MAP4K5: variants seen among roughly 807,000 people sequenced by gnomAD.
The protein encoded by MAP4K5 is MAPK/ERK kinase kinase kinase 5.
In MAP4K5, 82 loss-of-function variants were observed where a neutral mutation model predicts 135.6. The ratio of observed to expected loss-of-function variants is 0.60; its 90% confidence interval spans 0.51 to 0.73. The LOEUF (loss-of-function observed/expected upper bound fraction) is 0.73. Among genes scored for constraint, MAP4K5 ranks in the 30% least tolerant of loss-of-function variants. The pLI, the probability that MAP4K5 is intolerant of heterozygous loss-of-function variation, is 0.00. For missense variants in MAP4K5, 907 were observed against 1,010.9 expected (o/e 0.90, Z 1.39); for synonymous variants, 347 against 335.0 (o/e 1.04, Z -0.39).
upstream of MAP4K5, among the ~76,000 whole-genome samples, chr14:50,534,577 A>G (rs2038468934): frequency 6.6e-6 from 1 of 152,256 alleles, no homozygotes; most frequent in Non-Finnish European, 1.5e-5. Context: ...GGCTTCAACA[A>G]GACCCTGGAG....
chr14:50,484,342 A>C (rs2037317708), intron 5 of MAP4K5, among the ~76,000 whole-genome samples: 1 of 152,188 alleles, frequency 6.6e-6, no homozygotes, highest in South Asian at 2.1e-4. Flanking sequence ...TGTTGTGACA[A>C]AATTAGATAA....
chr14:50,511,954 G>A (rs925616202), intron 2 of MAP4K5, among the ~76,000 whole-genome samples: 27 of 152,154 alleles, frequency 1.8e-4, no homozygotes, highest in Non-Finnish European at 3.5e-4. Flanking sequence ...TATTCTGTAT[G>A]AAATGGTAAT....
At chr14:50,513,885 A>G (rs8022369) in intron 2 of MAP4K5, among the ~76,000 whole-genome samples, 151,368 of 152,304 alleles carry the variant, frequency 0.99, 75,229 homozygotes, top group Middle Eastern at 1. Context: ...TGCTTCTCAG[A>G]GTCATAATTA....
chr14:50,447,309 C>A (rs2036376487), intron 16 of MAP4K5, 105 bp downstream of exon 16: 3 of 682,716 alleles, frequency 4.4e-6, no homozygotes, highest in East Asian at 6.0e-5. Flanking sequence ...AATGGCATAA[C>A]TTTTTCAAGA....
intron 31 of MAP4K5, among the ~76,000 whole-genome samples, chr14:50,425,580 G>A (rs1323315454): frequency 6.6e-6 from 1 of 152,060 alleles, no homozygotes; most frequent in African/African-American, 2.4e-5. Flanking sequence ...TTAAAAAGAA[G>A]CCAGATATTT....
Position 50,448,755 on chromosome 14 carries a change from T to C in MAP4K5, c.1074+19A>G. ...TCAAATCTTAATGTGAAAATAATGC[T>C]TTAAAAATGAATTCTTACCATTTCA... is the stretch of plus-strand genomic sequence containing the variant. On this transcript the variant is annotated intron_variant, in intron 15 of 32. Coordinates refer to ENST00000682126, the MANE Select transcript of MAP4K5 (RefSeq NM_006575.6). The C allele has an allele frequency of 6.8e-7, 1 of 1,480,512 alleles. No homozygotes were observed. Among genetic ancestry groups the C allele is most frequent in the Middle Eastern group, 1.7e-4 (1 of 5,810 alleles). 91.7% of individuals were successfully genotyped at this position (1,480,512 alleles called of 1,614,324 possible). A position where few individuals can be genotyped will look rare whatever the true frequency, so the allele number is the denominator to read the frequency against.
chr14:50,545,352 T>A (rs117145739), intron 1 of MAP4K5, among the ~76,000 whole-genome samples: 1 of 152,212 alleles, frequency 6.6e-6, no homozygotes, highest in Non-Finnish European at 1.5e-5. Context: ...TATAAAATCC[T>A]GGGCTTTTCT....
chr14:50,487,464 T>C (rs1158920788), intron 3 of MAP4K5, among the ~76,000 whole-genome samples: 1 of 152,228 alleles, frequency 6.6e-6, no homozygotes, highest in Non-Finnish European at 1.5e-5. Context: ...TTTAAAGGGT[T>C]AGGGAAGCCA....
rs980828954 is a variant in MAP4K5, at chr14:50,428,718, T to G, written c.2270A>C (p.Lys757Thr). The G allele has an allele frequency of 6.6e-7, 1 of 1,518,300 alleles. No individual in the cohort carries two copies. The highest frequency in any genetic ancestry group is 2.5e-5 in the Admixed American group (1 of 40,794). 94.1% of individuals were successfully genotyped at this position (1,518,300 alleles called of 1,614,324 possible). A position where few individuals can be genotyped will look rare whatever the true frequency, so the allele number is the denominator to read the frequency against. The change falls in exon 30 of 33, where the codon AAA becomes ACA. Residue 757 changes from lysine to threonine, a missense_variant. By Grantham distance (78) the Lys-to-Thr change is moderately conservative. Around this residue, in one of 3 missense-constraint regions of MAP4K5, gnomAD observed 690 missense variants for 777.4 expected, o/e 0.89. Coordinates refer to ENST00000682126, the MANE Select transcript of MAP4K5 (RefSeq NM_006575.6). ...VKIVNLQGKL[K>T]SSKKLASELS... ...CTCAGAGGCCAGTTTCTTACTTGAT[T>G]TTAATTTTCCTTGTAGATTTACAAT...
In MAP4K5 at chr14:50,475,104, C is replaced by T. The variant is rs1399271894; in HGVS notation, c.515G>A (p.Arg172Gln). ...AAKITATIAK[R>Q]KSFIGTPYWM... ...GTAAGGGGTGCCAATGAAAGATTTT[C>T]GTTTTGCAATGGTAGCTGTTATTTT... is the stretch of plus-strand genomic sequence containing the variant. Residue 172 changes from arginine to glutamine, a missense_variant, in exon 9 of 33, where the codon CGA becomes CAA. Physicochemically the swap from Arg to Gln is conservative, Grantham distance 43. Transcript: ENST00000682126. The T allele has an allele frequency of 3.1e-6, 5 of 1,613,746 alleles. No homozygotes were observed. Among genetic ancestry groups the T allele is most frequent in the Non-Finnish European group, 3.4e-6 (4 of 1,179,746 alleles).
At chr14:50,496,925 G>A (rs978229235) in intron 3 of MAP4K5, among the ~76,000 whole-genome samples, 11 of 152,078 alleles carry the variant, frequency 7.2e-5, no homozygotes, top group Non-Finnish European at 1.2e-4. Flanking sequence ...AAATTACAAT[G>A]TAAAAATTAG....
At chr14:50,532,792 C>G (rs888259152), upstream of MAP4K5, 2 of 152,694 alleles carry the variant, frequency 1.3e-5, no homozygotes, top group African/African-American at 4.8e-5. Context: ...GGGCTGTCTC[C>G]CTCCCACTCT....
intron 1 of MAP4K5, among the ~76,000 whole-genome samples, chr14:50,547,632 T>C (rs998417754): frequency 2.0e-5 from 3 of 152,194 alleles, no homozygotes; most frequent in African/African-American, 7.2e-5. Context: ...AACAGCCCTG[T>C]GTGGCCTGTG....
chr14:50,463,507 G>T (rs1370430276), intron 12 of MAP4K5, among the ~76,000 whole-genome samples: 3 of 152,014 alleles, frequency 2.0e-5, no homozygotes, highest in Non-Finnish European at 4.4e-5. Flanking sequence ...GCTGCTTCTG[G>T]GCTATAATGG....
At chr14:50,473,474 C>A (rs552154639) in intron 9 of MAP4K5, among the ~76,000 whole-genome samples, 6 of 152,042 alleles carry the variant, frequency 3.9e-5, no homozygotes, top group Admixed American at 6.5e-5. Flanking sequence ...ATGAGACATT[C>A]TTTTTAACGA....
At chr14:50,538,392 A>C (rs11848086) in intron 2 of MAP4K5, among the ~76,000 whole-genome samples, 6,750 of 152,306 alleles carry the variant, frequency 0.044, 476 homozygotes, top group African/African-American at 0.15. Context: ...TACAGTTAAA[A>C]AGCTGTTTCT....
intron 21 of MAP4K5, 140 bp from the exon 22 acceptor site, chr14:50,440,581 CACCTTCTTT>C (rs1359021011): frequency 2.0e-5 from 11 of 538,942 alleles, no homozygotes; most frequent in Non-Finnish European, 2.9e-5. Context: ...AAATTTGTAT[CACCTTCTTT>C]ACCTCTTTCC....
chr14:50,490,555 T>C (rs755950405), intron 3 of MAP4K5, among the ~76,000 whole-genome samples: 2 of 152,210 alleles, frequency 1.3e-5, no homozygotes, highest in African/African-American at 2.4e-5. Context: ...TGCTAAAAAG[T>C]GTACAAGTAC....
chr14:50,453,820 T>A (rs2036543025), intron 14 of MAP4K5, among the ~76,000 whole-genome samples: 1 of 152,162 alleles, frequency 6.6e-6, no homozygotes, highest in African/African-American at 2.4e-5. Context: ...TTTTCCCTTG[T>A]TTGATGAAAT....
Sources: gnomAD v4.1 joint callset for allele counts (sites outside exome capture counted in the v4.1 genomes callset) on GRCh38, gnomAD v4.1.1 for gene constraint, gnomAD v4.1.1 regional missense constraint, MANE v1.5 for transcripts, NCBI Gene and HGNC (gene_info 2026-07-23, HGNC 2026-07-21) for gene names.